The following MFAP3 variants were observed in gnomAD, a reference collection of about 807,000 sequenced individuals.
The protein encoded by MFAP3 is microfibril associated protein 3, also known as microfibril-associated glycoprotein 3.
Under a neutral mutation model 20.5 loss-of-function variants are expected in MFAP3, and 8 were observed. That is an observed-to-expected ratio of 0.39 (90% confidence interval 0.23 to 0.70). MFAP3 has a LOEUF of 0.70. Ranked by LOEUF, MFAP3 falls within the 30% of genes least tolerant of loss-of-function variation. The pLI is 0.44. For synonymous variants in MFAP3, 140 were observed against 154.0 expected, an observed-to-expected ratio of 0.91 and a Z score of 0.67; for missense variants, 398 against 444.6, an observed-to-expected ratio of 0.90 and a Z score of 0.94.
At position 154,050,085 on chromosome 5, in the gene MFAP3, G is replaced by C. The variant is rs1000320545; in HGVS notation, c.295+68G>C. On this transcript the variant is annotated intron_variant, in intron 2 of 2. Coordinates refer to ENST00000522782, the MANE Select transcript of MFAP3 (RefSeq NM_005927.5). ...GTTCTGTCTTCTTATTTTTTAACAC[G>C]TTAAACAAAAAGTCTCAAAGATAAG... 1.9e-5 allele frequency: 29 copies of C among 1,495,982 alleles called. No individual in the cohort carries two copies. The African/African-American group carries it at 3.2e-4, about 17-fold the overall frequency. The allele number at this position is 1,495,982 out of a possible 1,614,324, so 92.7% of individuals were successfully genotyped here. A position where few individuals can be genotyped will look rare whatever the true frequency, so the allele number is the denominator to read the frequency against.
chr5:154,043,272 G>A (rs1772999321), intron 1 of MFAP3, among the ~76,000 whole-genome samples: 1 of 152,114 alleles, frequency 6.6e-6, no homozygotes, highest in African/African-American at 2.4e-5. Context: ...AATATAGGCT[G>A]GGCGCGGTGG....
intron 2 of MFAP3, among the ~76,000 whole-genome samples, 175 bp downstream of exon 2, chr5:154,050,192 T>G (rs909839785): frequency 2.0e-5 from 3 of 152,170 alleles, no homozygotes; most frequent in African/African-American, 7.2e-5. Context: ...TATAATTGTT[T>G]AACCAGAAGA....
At position 154,052,864 on chromosome 5, in the gene MFAP3, G is replaced by A. The variant is rs1561591328; in HGVS notation, c.296-56G>A. Reference sequence around the variant, plus strand: ...AGGTGGAATATGGATAAGGCAGCGGGCATATTTAGTAATCTTTTTGCTATA... The same window carrying A: ...AGGTGGAATATGGATAAGGCAGCGGACATATTTAGTAATCTTTTTGCTATA... On this transcript the variant is annotated intron_variant, in intron 2 of 2. Transcript: ENST00000522782. The A allele has an allele frequency of 3.7e-5, 53 of 1,422,278 alleles. No individual in the cohort carries two copies. In the South Asian group the frequency reaches 6.3e-4, roughly 17 times the overall value. 88.1% of individuals were successfully genotyped at this position (1,422,278 alleles called of 1,614,324 possible).
chr5:154,047,664 C>T (rs1409399167), intron 1 of MFAP3, among the ~76,000 whole-genome samples: 2 of 151,972 alleles, frequency 1.3e-5, no homozygotes, highest in African/African-American at 2.4e-5. Context: ...TGTAGAGTTT[C>T]CTTTTTAAAT....
chr5:154,040,385 C>A (rs1772901154), intron 1 of MFAP3, among the ~76,000 whole-genome samples: 1 of 152,174 alleles, frequency 6.6e-6, no homozygotes, highest in Non-Finnish European at 1.5e-5. Flanking sequence ...TCTTTAATGT[C>A]TGGCTGAATA....
chr5:154,043,601 A>G (rs1773011838), intron 1 of MFAP3, among the ~76,000 whole-genome samples: 1 of 152,070 alleles, frequency 6.6e-6, no homozygotes. Context: ...TTTATCAAGT[A>G]ACTTCATCCA....
chr5:154,051,267 T>C (rs930241286), intron 2 of MFAP3, among the ~76,000 whole-genome samples: 2 of 152,204 alleles, frequency 1.3e-5, no homozygotes, highest in Non-Finnish European at 2.9e-5. Flanking sequence ...ACCTCTGAGA[T>C]CTGAATTATT....
In MFAP3 at chr5:154,049,957, C is replaced by A. The variant is rs770784204; in HGVS notation, c.235C>A (p.His79Asn). The part of the protein sequence containing the change: ...VSIECLLTAS[H>N]YEDVHWHNSK... ...AATTGAGTGTCTTCTCACAGCCAGT[C>A]ACTATGAAGATGTCCATTGGCACAA... Residue 79 changes from histidine (H) to asparagine (N), a missense_variant, in exon 2 of 3, where the codon CAC becomes AAC. By Grantham distance (68) the His-to-Asn change is moderately conservative. Transcript: ENST00000522782. The A allele has an allele frequency of 6.2e-7, 1 of 1,613,498 alleles. No individual in the cohort carries two copies. Among genetic ancestry groups the A allele is most frequent in the South Asian group, 1.1e-5 (1 of 91,028 alleles).
chr5:154,054,377 A>G lies in MFAP3; in HGVS notation c.*664A>G, dbSNP rs1226787530. On this transcript the variant is annotated 3_prime_UTR_variant, in exon 3 of 3. Coordinates refer to ENST00000522782, the MANE Select transcript of MFAP3 (RefSeq NM_005927.5). ...GTCTGTAGGGTTATACAGATGTCAG[A>G]GAGCTAACTGCTCTGTAAACTACTT... is the stretch of plus-strand genomic sequence containing the variant. 1 of 166,938 alleles carries G rather than the reference A, an allele frequency of 6.0e-6. No individual in the cohort carries two copies. The highest frequency in any genetic ancestry group is 1.5e-5 in the Non-Finnish European group (1 of 68,112). The allele number at this position is 166,938 out of a possible 1,614,324, so 10.3% of individuals were successfully genotyped here. A position where few individuals can be genotyped will look rare whatever the true frequency, so the allele number is the denominator to read the frequency against.
chr5:154,045,506 T>G (rs920999994), intron 1 of MFAP3, among the ~76,000 whole-genome samples: 2 of 152,214 alleles, frequency 1.3e-5, no homozygotes, highest in Admixed American at 1.3e-4. Context: ...TTGCATGGTA[T>G]TCTGAGTGTT....
rs1156534993 is a variant in MFAP3 at position 154,056,384 on chromosome 5, A to G, written c.*2671A>G. Among the ~76,000 whole-genome samples the G allele has an allele frequency of 1.3e-5, 2 of 152,214 alleles. No homozygotes were observed. Among genetic ancestry groups the G allele is most frequent in the Admixed American group, 6.5e-5 (1 of 15,280 alleles). Reference sequence around the variant, plus strand: ...TAGTTTTCAAGAGGAAGAAAACCACACTTACTAATGTTTTCTGTATCTAAT... The same window carrying G: ...TAGTTTTCAAGAGGAAGAAAACCACGCTTACTAATGTTTTCTGTATCTAAT... On this transcript the variant is annotated 3_prime_UTR_variant, in exon 3 of 3. Transcript: ENST00000522782.
chr5:154,053,436 T>C lies in MFAP3; in HGVS notation c.812T>C (p.Ile271Thr). The C allele has an allele frequency of 1.9e-6, 3 of 1,613,970 alleles. No homozygotes were observed. The highest frequency in any genetic ancestry group is 2.5e-6 in the Non-Finnish European group (3 of 1,179,946). Residue 271 changes from isoleucine (I) to threonine (T), a missense_variant, in exon 3 of 3, where the codon ATT (isoleucine) becomes ACT (threonine). Coordinates refer to ENST00000522782, the MANE Select transcript of MFAP3 (RefSeq NM_005927.5). ...GACCCTGATGACCTGGGTGAAAGAA[T>C]TAAAGAGAGACCTGCCTTGAATGCT... The part of the protein sequence containing the change: ...VDDPDDLGER[I>T]KERPALNAQG...
rs1308675995 is a variant in MFAP3 at position 154,041,947 on chromosome 5, T to A, written c.-167+2936T>A. On this transcript the variant is annotated intron_variant, in intron 1 of 2. Coordinates refer to ENST00000522782, the MANE Select transcript of MFAP3 (RefSeq NM_005927.5). Reference sequence around the variant, plus strand: ...CCCTATGATGCAGTTACTGTTAATATTATTTTATTTAATAAATGTGAAAAC... The same window carrying A: ...CCCTATGATGCAGTTACTGTTAATAATATTTTATTTAATAAATGTGAAAAC... Among the ~76,000 whole-genome samples the A allele has an allele frequency of 2.0e-5, 3 of 152,226 alleles. No individual in the cohort carries two copies. In the East Asian group the frequency reaches 5.8e-4, roughly 29 times the overall value.
At chr5:154,050,135 A>G in intron 2 of MFAP3, 118 bp downstream of exon 2, 7 of 1,110,288 alleles carry the variant, frequency 6.3e-6, no homozygotes, top group Non-Finnish European at 8.8e-6. Context: ...AGTTTAAAAC[A>G]TTTGAAAGGT....
chr5:154,039,568 G>C (rs1245588901), intron 1 of MFAP3, among the ~76,000 whole-genome samples: 3 of 152,188 alleles, frequency 2.0e-5, no homozygotes, highest in Admixed American at 1.3e-4. Flanking sequence ...CAAGGATAAA[G>C]AGTTTGATTT....
intron 1 of MFAP3, among the ~76,000 whole-genome samples, chr5:154,042,211 G>A (rs1248787281): frequency 6.6e-6 from 1 of 152,212 alleles, no homozygotes; most frequent in Non-Finnish European, 1.5e-5. Flanking sequence ...TATAGAGGGG[G>A]AAAAATGGCC....
intron 1 of MFAP3, among the ~76,000 whole-genome samples, chr5:154,048,574 T>C (rs1364333771): frequency 1.3e-5 from 2 of 152,208 alleles, no homozygotes; most frequent in African/African-American, 4.8e-5. Flanking sequence ...CCATATTTTA[T>C]AGAAATAAAA....
At position 154,053,245 on chromosome 5, in the gene MFAP3, C is replaced by G; in HGVS notation, c.621C>G (p.Pro207=). The change falls in exon 3 of 3, where the codon CCC becomes CCG. Residue 207 remains proline (P), a synonymous_variant. Coordinates refer to ENST00000522782, the MANE Select transcript of MFAP3 (RefSeq NM_005927.5). ...QKAFEIAKRI[P]IITSAKTLEL... ...CCTTTGAGATTGCAAAACGTATCCC[C>G]ATCATTACCTCAGCCAAAACTCTGG... The G allele has an allele frequency of 6.2e-7, 1 of 1,613,952 alleles. No homozygotes were observed. The highest frequency in any genetic ancestry group is 1.1e-5 in the South Asian group (1 of 91,072).
rs1773309571 is a variant in MFAP3, at chr5:154,055,524, T to G, written c.*1811T>G. On this transcript the variant is annotated 3_prime_UTR_variant, in exon 3 of 3. Transcript: ENST00000522782. ...GCCTTGGCTCATAGACTGGTATTTC[T>G]TTAAGGAAAATTGTTTTTATATATT... 6.6e-6 allele frequency among the ~76,000 whole-genome samples: 1 copy of G among 152,212 alleles called. No homozygotes were observed. The highest frequency in any genetic ancestry group is 6.5e-5 in the Admixed American group (1 of 15,278).
Sources: allele counts gnomAD v4.1 joint callset (sites outside exome capture counted in the v4.1 genomes callset), GRCh38; gene constraint gnomAD v4.1.1; transcripts MANE v1.5; gene names NCBI Gene and HGNC (gene_info 2026-07-23, HGNC 2026-07-21).